The following DNM3 variants were observed in gnomAD, a reference collection of about 807,000 sequenced individuals.
DNM3 encodes dynamin-3.
A neutral mutation model predicts 101.6 loss-of-function variants in DNM3; 47 were observed. The observed-to-expected ratio is 0.46, with a 90% CI of 0.37 to 0.59. The LOEUF (loss-of-function observed/expected upper bound fraction) is 0.59, where lower values mean the gene tolerates loss of function less well. DNM3 is among the 20% of genes least tolerant of loss of function. DNM3 has a pLI of 0.00. For missense variants in DNM3, 849 were observed against 1,085.7 expected (o/e 0.78, Z 3.06); for synonymous variants, 385 against 387.9 (o/e 0.99, Z 0.09).
At position 172,372,009 on chromosome 1, in the gene DNM3, C is replaced by T. The variant is rs1028845304; in HGVS notation, c.1894-7009C>T. On this transcript the variant is annotated intron_variant, in intron 17 of 20. Coordinates refer to ENST00000627582, the MANE Select transcript of DNM3 (RefSeq NM_015569.5). ...ATACATGTGCCATGCTGGTGTGCTG[C>T]ACCCACTAACTCGTCATCTAGCATT... is the stretch of plus-strand genomic sequence containing the variant. 1.5e-4 allele frequency among the ~76,000 whole-genome samples: 23 copies of T among 148,448 alleles called. 1 individual carries two copies. Among genetic ancestry groups the T allele is most frequent in the African/African-American group, 3.7e-4 (15 of 40,378 alleles).
chr1:171,875,419 C>G (rs1274751987), intron 1 of DNM3, among the ~76,000 whole-genome samples: 1 of 152,160 alleles, frequency 6.6e-6, no homozygotes. Flanking sequence ...TCATTGAACT[C>G]ATTGTGCTGT....
chr1:172,153,615 T>G (rs2148245039), intron 14 of DNM3, among the ~76,000 whole-genome samples: 1 of 152,106 alleles, frequency 6.6e-6, no homozygotes, highest in South Asian at 2.1e-4. Flanking sequence ...ATTCCTCTTC[T>G]CTCCAGCCCC....
chr1:172,002,474 A>C (rs1012990336), intron 4 of DNM3, among the ~76,000 whole-genome samples: 1 of 152,130 alleles, frequency 6.6e-6, no homozygotes, highest in Non-Finnish European at 1.5e-5. Context: ...GGGCTTGAAC[A>C]AGACAAACGC....
rs187476812 is a variant in DNM3 at position 172,024,691 on chromosome 1, C to T, written c.590-7711C>T. Among the ~76,000 whole-genome samples, 670 of 152,122 alleles carry T rather than the reference C, an allele frequency of 4.4e-3. 20 individuals carry two copies. The highest frequency in any genetic ancestry group is 0.039 in the Admixed American group (592 of 15,294). On this transcript the variant is annotated intron_variant, in intron 4 of 20. Coordinates refer to ENST00000627582, the MANE Select transcript of DNM3 (RefSeq NM_015569.5). ...ATGGGGTGTTGCCTCACCTGGGAAG[C>T]GCATGGGGTTGGGAAACTCCCTGCC...
At chr1:171,928,910 G>A (rs764766687) in intron 2 of DNM3, among the ~76,000 whole-genome samples, 3 of 152,196 alleles carry the variant, frequency 2.0e-5, no homozygotes, top group Non-Finnish European at 4.4e-5. Flanking sequence ...GTACCTGGAG[G>A]TATCACCAGT....
intron 2 of DNM3, among the ~76,000 whole-genome samples, chr1:171,939,664 T>C (rs2041684491): frequency 6.6e-6 from 1 of 152,198 alleles, no homozygotes; most frequent in Non-Finnish European, 1.5e-5. Context: ...TGAAGAGAAC[T>C]AAAAGACAAA....
rs183124298 is a variant in DNM3 at position 171,846,985 on chromosome 1, C to T, written c.161+5168C>T. On this transcript the variant is annotated intron_variant, in intron 1 of 20. Transcript: ENST00000627582. ...CAGGGTTGGAGAGACAAGTCATTCA[C>T]CCAGGATCGTATAGCTAGCAAGCAG... Among the ~76,000 whole-genome samples, 307 of 152,254 alleles carry T rather than the reference C, an allele frequency of 2.0e-3. 2 individuals carry two copies. The highest frequency in any genetic ancestry group is 7.0e-3 in the African/African-American group (289 of 41,536).
At chr1:171,875,022 G>C (rs1346539584) in intron 1 of DNM3, among the ~76,000 whole-genome samples, 2 of 152,086 alleles carry the variant, frequency 1.3e-5, no homozygotes, top group Non-Finnish European at 2.9e-5. Context: ...TGGCTGCATA[G>C]TATTCCATGG....
rs560088320 is a variant in DNM3 at position 172,027,506 on chromosome 1, G to A, written c.590-4896G>A. 5.3e-5 allele frequency among the ~76,000 whole-genome samples: 8 copies of A among 152,054 alleles called. No homozygotes were observed. The South Asian group carries it at 1.5e-3, about 28-fold the overall frequency. ...TCAGGCAGGAGAATCGCTGGAACCC[G>A]GGAGGCAGAGGTGGCAGTGAGCTGA... On this transcript the variant is annotated intron_variant, in intron 4 of 20. Transcript: ENST00000627582.
intron 2 of DNM3, among the ~76,000 whole-genome samples, chr1:171,938,950 C>T (rs1208320711): frequency 6.6e-6 from 1 of 152,078 alleles, no homozygotes; most frequent in Non-Finnish European, 1.5e-5. Context: ...ATTCAACTTA[C>T]CTTTATTTTA....
intron 2 of DNM3, among the ~76,000 whole-genome samples, chr1:171,949,208 T>C (rs537572512): frequency 6.6e-6 from 1 of 152,290 alleles, no homozygotes; most frequent in Admixed American, 6.5e-5. Flanking sequence ...CAATACCTAC[T>C]TCTAGTTTAA....
At chr1:172,228,360 G>T (rs2061213899) in intron 14 of DNM3, among the ~76,000 whole-genome samples, 1 of 151,960 alleles carries the variant, frequency 6.6e-6, no homozygotes, top group African/African-American at 2.4e-5. Context: ...GGTTTGTAAT[G>T]CCGCCTTTAT....
chr1:172,136,352 C>T (rs1191042058), intron 14 of DNM3, among the ~76,000 whole-genome samples: 10 of 152,096 alleles, frequency 6.6e-5, no homozygotes, highest in Admixed American at 4.6e-4. Context: ...AAATATTCAG[C>T]TCTCTTTCTA....
At chr1:172,177,493 A>G (rs2059195322) in intron 14 of DNM3, among the ~76,000 whole-genome samples, 1 of 151,872 alleles carries the variant, frequency 6.6e-6, no homozygotes, top group African/African-American at 2.4e-5. Flanking sequence ...CCTACACATA[A>G]GGGGAAGTGG....
intron 1 of DNM3, among the ~76,000 whole-genome samples, chr1:171,871,864 GT>G (rs57412557): frequency 1.7e-3 from 238 of 136,428 alleles, no homozygotes; most frequent in African/African-American, 5.1e-3. Flanking sequence ...TTGTTGTCTT[GT>G]TTTTTTTTTT....
chr1:172,150,442 C>G (rs2181624), intron 14 of DNM3, among the ~76,000 whole-genome samples: 53,085 of 151,854 alleles, frequency 0.35, 12,417 homozygotes, highest in African/African-American at 0.64. Flanking sequence ...CAGGAGGAGA[C>G]TACAAAAGCT....
At chr1:171,935,859 C>T (rs1425555784) in intron 2 of DNM3, among the ~76,000 whole-genome samples, 1 of 128,274 alleles carries the variant, frequency 7.8e-6, no homozygotes, top group Non-Finnish European at 1.6e-5. Flanking sequence ...TTTCTCAATA[C>T]CTGATCTTAC....
intron 14 of DNM3, among the ~76,000 whole-genome samples, chr1:172,232,033 A>G (rs1409773550): frequency 1.3e-5 from 2 of 152,326 alleles, no homozygotes; most frequent in South Asian, 4.1e-4. Flanking sequence ...GATATTATCC[A>G]TAACAATATT....
chr1:172,033,148 G>A lies in DNM3; in HGVS notation c.732G>A (p.Gly244=), dbSNP rs368437617. The change falls in exon 6 of 21, where the codon GGG becomes GGA. Residue 244 remains glycine (G), a synonymous_variant. Transcript: ENST00000627582. ...VVNRSQKDID[G]KKDIKAAMLA... Reference sequence around the variant, plus strand: ...ACAGAAGCCAGAAGGACATAGATGGGAAGAAGGACATAAAGGCAGCCATGC... The same window carrying A: ...ACAGAAGCCAGAAGGACATAGATGGAAAGAAGGACATAAAGGCAGCCATGC... The A allele has an allele frequency of 1.2e-6, 2 of 1,612,428 alleles. No homozygotes were observed. The highest frequency in any genetic ancestry group is 1.3e-5 in the African/African-American group (1 of 74,852).
Sources: allele counts gnomAD v4.1 joint callset (sites outside exome capture counted in the v4.1 genomes callset), GRCh38; gene constraint gnomAD v4.1.1; transcripts MANE v1.5; gene names NCBI Gene and HGNC (gene_info 2026-07-23, HGNC 2026-07-21).